Variants in BRINP3 observed in about 807,000 individuals in gnomAD.
The protein encoded by BRINP3 is BMP/retinoic acid-inducible neural-specific protein 3.
A neutral mutation model predicts 71.0 loss-of-function variants in BRINP3; 19 were observed. The observed-to-expected ratio is 0.27, with a 90% CI of 0.19 to 0.39. BRINP3 has a LOEUF of 0.39. Among genes scored for constraint, BRINP3 ranks in the 10% least tolerant of loss-of-function variants. The pLI is 1.00. For synonymous variants in BRINP3, 380 were observed against 337.7 expected (o/e 1.13, Z -1.37); for missense variants, 959 against 940.8 (o/e 1.02, Z -0.25).
chr1:190,352,704 T>C (rs952388151), intron 2 of BRINP3, among the ~76,000 whole-genome samples: 1 of 152,024 alleles, frequency 6.6e-6, no homozygotes, highest in Non-Finnish European at 1.5e-5. Flanking sequence ...CATATTATTA[T>C]TTTATTCTAT....
chr1:190,199,653 T>C (rs184287268), intron 6 of BRINP3, among the ~76,000 whole-genome samples: 142 of 152,074 alleles, frequency 9.3e-4, no homozygotes, highest in African/African-American at 2.5e-3. Context: ...CCAAAAGCCA[T>C]CTTTGTCACA....
intron 2 of BRINP3, among the ~76,000 whole-genome samples, chr1:190,412,698 G>A (rs1424568979): frequency 1.3e-5 from 2 of 151,398 alleles, no homozygotes; most frequent in African/African-American, 4.9e-5. Flanking sequence ...TCCTGACCTC[G>A]TGATCCGCCC....
At chr1:190,205,055 T>G (rs889095892) in intron 6 of BRINP3, among the ~76,000 whole-genome samples, 2 of 151,758 alleles carry the variant, frequency 1.3e-5, no homozygotes, top group African/African-American at 4.8e-5. Context: ...CACAAGCCAG[T>G]ATGCAGTTGA....
intron 2 of BRINP3, among the ~76,000 whole-genome samples, chr1:190,339,031 A>C (rs141591802): frequency 6.6e-6 from 1 of 151,108 alleles, no homozygotes; most frequent in East Asian, 1.9e-4. Context: ...TAAATAAATA[A>C]ATAAATAAAT....
chr1:190,450,287 G>A (rs80209499), intron 2 of BRINP3, among the ~76,000 whole-genome samples: 1 of 152,084 alleles, frequency 6.6e-6, no homozygotes, highest in East Asian at 1.9e-4. Context: ...CCTTTGTTGA[G>A]GCATTTGGGC....
chr1:190,137,523 G>T (rs925972708), intron 7 of BRINP3, among the ~76,000 whole-genome samples: 21 of 152,026 alleles, frequency 1.4e-4, no homozygotes, highest in African/African-American at 5.1e-4. Flanking sequence ...GAATTGTCTG[G>T]AATGATAATG....
intron 7 of BRINP3, among the ~76,000 whole-genome samples, chr1:190,141,966 G>A (rs1415645954): frequency 6.6e-6 from 1 of 151,766 alleles, no homozygotes; most frequent in Non-Finnish European, 1.5e-5. Flanking sequence ...TGAAAAATAT[G>A]AATAAAAGTT....
chr1:190,148,975 T>G (rs761989881), intron 7 of BRINP3, among the ~76,000 whole-genome samples: 1 of 152,204 alleles, frequency 6.6e-6, no homozygotes, highest in Admixed American at 6.5e-5. Context: ...TGCCTGAGTT[T>G]GGACTCTAGC....
chr1:190,360,508 A>C (rs1185283429), intron 2 of BRINP3, among the ~76,000 whole-genome samples: 1 of 152,184 alleles, frequency 6.6e-6, no homozygotes, highest in Non-Finnish European at 1.5e-5. Flanking sequence ...GAACTTTAAA[A>C]TGTGAGAGTG....
At chr1:190,165,211 C>A (rs1254565045) in intron 6 of BRINP3, among the ~76,000 whole-genome samples, 1 of 151,868 alleles carries the variant, frequency 6.6e-6, no homozygotes, top group African/African-American at 2.4e-5. Flanking sequence ...AAAAAATGAT[C>A]ATTTCTGATT....
chr1:190,310,279 C>T lies in BRINP3; in HGVS notation c.237-28529G>A, dbSNP rs77153288. ...TGCACTTTCTTGACTTTCAGTGTAC[C>T]GAGAAAAGCTTTTAACAGCTCATAT... On this transcript the variant is annotated intron_variant, in intron 2 of 7. Transcript: ENST00000367462. 1.5e-3 allele frequency among the ~76,000 whole-genome samples: 224 copies of T among 151,360 alleles called. 1 individual carries two copies. The highest frequency in any genetic ancestry group is 4.9e-3 in the African/African-American group (204 of 41,354).
At chr1:190,154,818 G>A (rs1320400016) in intron 7 of BRINP3, among the ~76,000 whole-genome samples, 3 of 152,042 alleles carry the variant, frequency 2.0e-5, no homozygotes, top group African/African-American at 4.8e-5. Flanking sequence ...AGGTAGCCAC[G>A]TTTTTCATGG....
intron 7 of BRINP3, among the ~76,000 whole-genome samples, chr1:190,142,621 C>A (rs888500938): frequency 2.0e-5 from 3 of 151,746 alleles, no homozygotes; most frequent in African/African-American, 7.3e-5. Flanking sequence ...ATTTAATTTT[C>A]TTTTTTTCTT....
chr1:190,308,260 A>G (rs538728008), intron 2 of BRINP3, among the ~76,000 whole-genome samples: 1 of 152,090 alleles, frequency 6.6e-6, no homozygotes, highest in African/African-American at 2.4e-5. Flanking sequence ...TTGAGAAGAC[A>G]TAAGAACACT....
At chr1:190,282,471 T>C (rs1271950790) in intron 2 of BRINP3, among the ~76,000 whole-genome samples, 1 of 152,026 alleles carries the variant, frequency 6.6e-6, no homozygotes, top group East Asian at 1.9e-4. Context: ...GCAAACTGCA[T>C]CTGATAATTT....
intron 6 of BRINP3, among the ~76,000 whole-genome samples, chr1:190,219,606 GA>G (rs1656697708): frequency 6.6e-6 from 1 of 151,894 alleles, no homozygotes; most frequent in African/African-American, 2.4e-5. Flanking sequence ...TTGGGAGGCC[GA>G]GGTGGGTGGA....
At chr1:190,460,492 C>T (rs930602944) in intron 1 of BRINP3, among the ~76,000 whole-genome samples, 1 of 152,052 alleles carries the variant, frequency 6.6e-6, no homozygotes, top group Admixed American at 6.6e-5. Flanking sequence ...TTAATTGTTT[C>T]AATTCCAATT....
At position 190,418,381 on chromosome 1, in the gene BRINP3, C is replaced by T. The variant is rs116013089; in HGVS notation, c.236+36274G>A. 1.7e-3 allele frequency among the ~76,000 whole-genome samples: 261 copies of T among 152,178 alleles called. 1 individual carries two copies. Among genetic ancestry groups the T allele is most frequent in the African/African-American group, 6.1e-3 (255 of 41,528 alleles). ...TCTTTTTATGAATTAAAATGTTAGTCAATGTCACATTACGTTTGTGACCCC... is the reference window on the plus strand; with the variant it reads ...TCTTTTTATGAATTAAAATGTTAGTTAATGTCACATTACGTTTGTGACCCC... On this transcript the variant is annotated intron_variant, in intron 2 of 7. Transcript: ENST00000367462.
intron 2 of BRINP3, among the ~76,000 whole-genome samples, chr1:190,350,251 A>C (rs184254970): frequency 2.8e-4 from 43 of 152,264 alleles, no homozygotes; most frequent in Middle Eastern, 6.8e-3. Flanking sequence ...ATGTAGATCC[A>C]CAGCTATGTT....
Sources: allele counts gnomAD v4.1 joint callset (sites outside exome capture counted in the v4.1 genomes callset), GRCh38; gene constraint gnomAD v4.1.1; transcripts MANE v1.5; gene names NCBI Gene and HGNC (gene_info 2026-07-23, HGNC 2026-07-21).